The following LRRC4C variants were observed in gnomAD, a reference collection of about 807,000 sequenced individuals.
LRRC4C encodes the protein leucine-rich repeat-containing protein 4C.
LRRC4C carries 5 observed loss-of-function variants against 33.6 expected under a neutral mutation model. The ratio of observed to expected loss-of-function variants is 0.15; its 90% confidence interval spans 0.08 to 0.31. The LOEUF (loss-of-function observed/expected upper bound fraction) is 0.31. Among genes scored for constraint, LRRC4C ranks in the 10% least tolerant of loss-of-function variants. LRRC4C has a pLI of 1.00. For missense variants in LRRC4C, 560 were observed against 796.7 expected (o/e 0.70, Z 3.58); for synonymous variants, 329 against 302.0 (o/e 1.09, Z -0.93).
intron 4 of LRRC4C, among the ~76,000 whole-genome samples, chr11:40,304,122 G>A (rs1324865435): frequency 6.6e-6 from 1 of 152,128 alleles, no homozygotes; most frequent in African/African-American, 2.4e-5. Flanking sequence ...TATTTCAGAA[G>A]CTCCCTCCAT....
chr11:40,973,902 T>G (rs1482921311), intron 1 of LRRC4C, among the ~76,000 whole-genome samples: 1 of 152,022 alleles, frequency 6.6e-6, no homozygotes, highest in Non-Finnish European at 1.5e-5. Context: ...CATTTCAGGA[T>G]GAAGTAGGGA....
intron 2 of LRRC4C, among the ~76,000 whole-genome samples, chr11:40,671,589 G>A (rs1295094603): frequency 6.6e-6 from 1 of 151,212 alleles, no homozygotes; most frequent in Non-Finnish European, 1.5e-5. Context: ...CTCTCTGTCT[G>A]GAACTCTCTT....
chr11:41,029,479 C>G (rs1215151731), intron 1 of LRRC4C, among the ~76,000 whole-genome samples: 3 of 151,730 alleles, frequency 2.0e-5, no homozygotes, highest in Non-Finnish European at 4.4e-5. Flanking sequence ...TTAGTTTTAA[C>G]TTTCTGTGAT....
At chr11:40,739,424 CTG>C (rs749312154) in intron 2 of LRRC4C, among the ~76,000 whole-genome samples, 18 of 149,990 alleles carry the variant, frequency 1.2e-4, no homozygotes, top group African/African-American at 3.7e-4. Context: ...CTTCCATTCT[CTG>C]TGTGTGTGTG....
chr11:41,431,845 T>C (rs1955247753), intron 1 of LRRC4C, among the ~76,000 whole-genome samples: 1 of 152,164 alleles, frequency 6.6e-6, no homozygotes, highest in African/African-American at 2.4e-5. Context: ...GTATATGCGA[T>C]TTAGGGATAA....
chr11:40,338,653 T>C (rs374519466), intron 3 of LRRC4C, among the ~76,000 whole-genome samples: 7 of 152,212 alleles, frequency 4.6e-5, no homozygotes, highest in Admixed American at 4.6e-4. Context: ...TTGGTAATAT[T>C]CTCATGATGA....
chr11:40,542,227 C>T (rs1220750296), intron 3 of LRRC4C, among the ~76,000 whole-genome samples: 2 of 151,988 alleles, frequency 1.3e-5, no homozygotes, highest in Non-Finnish European at 2.9e-5. Context: ...TGAGAAAATG[C>T]TTTATTCTCT....
intron 2 of LRRC4C, among the ~76,000 whole-genome samples, chr11:40,923,682 G>A (rs1957287580): frequency 6.6e-6 from 1 of 152,106 alleles, no homozygotes; most frequent in Non-Finnish European, 1.5e-5. Flanking sequence ...TACTAAACTA[G>A]TTTATTTGGA....
At chr11:40,489,678 CT>C (rs1295675596) in intron 3 of LRRC4C, among the ~76,000 whole-genome samples, 1 of 152,092 alleles carries the variant, frequency 6.6e-6, no homozygotes, top group East Asian at 1.9e-4. Context: ...ATGGAACCCC[CT>C]TTATTGTTCA....
At chr11:41,323,165 A>G (rs955491785) in intron 1 of LRRC4C, among the ~76,000 whole-genome samples, 6 of 152,138 alleles carry the variant, frequency 3.9e-5, no homozygotes, top group Non-Finnish European at 8.8e-5. Context: ...ACATCCTATC[A>G]TTATATTTCT....
intron 1 of LRRC4C, among the ~76,000 whole-genome samples, chr11:41,005,693 T>C (rs1168707781): frequency 6.6e-6 from 1 of 152,116 alleles, no homozygotes; most frequent in Non-Finnish European, 1.5e-5. Context: ...CCTGCTGGCT[T>C]CCCTTTGCCT....
chr11:40,968,860 T>G (rs1851528100), intron 1 of LRRC4C, among the ~76,000 whole-genome samples: 1 of 152,202 alleles, frequency 6.6e-6, no homozygotes, highest in African/African-American at 2.4e-5. Context: ...CTGTTATTTT[T>G]TGTGTCTCCT....
rs113877575 is a variant in LRRC4C at position 40,535,347 on chromosome 11, G to T, written c.-270+112795C>A. On this transcript the variant is annotated intron_variant, in intron 3 of 6. Coordinates refer to ENST00000528697, the MANE Select transcript of LRRC4C (RefSeq NM_001258419.2). ...AAAAAAGTATATAAAAAACTGGAGT[G>T]AAATAGGTTAGAGAGACACATCAGC... Among the ~76,000 whole-genome samples the T allele has an allele frequency of 6.7e-3, 1,021 of 152,258 alleles. 17 individuals are homozygous for T. The highest frequency in any genetic ancestry group is 0.024 in the African/African-American group (980 of 41,562).
chr11:40,205,726 T>G lies in LRRC4C; in HGVS notation c.-96+35793A>C, dbSNP rs184807823. Among the ~76,000 whole-genome samples, 179 of 152,288 alleles carry G rather than the reference T, an allele frequency of 1.2e-3. 2 individuals are homozygous for G. Among genetic ancestry groups the G allele is most frequent in the African/African-American group, 4.2e-3 (175 of 41,564 alleles). ...CATGATTTTTAAAATTAAGGGGTAA[T>G]CAGTCAGTCAGGTAATCAGGTTATT... is the stretch of plus-strand genomic sequence containing the variant. On this transcript the variant is annotated intron_variant, in intron 5 of 6. Coordinates refer to ENST00000528697, the MANE Select transcript of LRRC4C (RefSeq NM_001258419.2).
chr11:40,593,670 C>T (rs1274386785), intron 3 of LRRC4C, among the ~76,000 whole-genome samples: 1 of 152,036 alleles, frequency 6.6e-6, no homozygotes, highest in Admixed American at 6.6e-5. Context: ...TTCCATCTGG[C>T]AAAGTAAGGG....
chr11:40,915,500 A>C (rs1279759883), intron 2 of LRRC4C, among the ~76,000 whole-genome samples: 1 of 152,224 alleles, frequency 6.6e-6, no homozygotes, highest in Admixed American at 6.5e-5. Flanking sequence ...CATATGTAGA[A>C]AGCTGAAACT....
chr11:40,372,029 T>C (rs1310815909), intron 3 of LRRC4C, among the ~76,000 whole-genome samples: 2 of 152,124 alleles, frequency 1.3e-5, no homozygotes, highest in Admixed American at 6.6e-5. Context: ...TTGTGGTTCA[T>C]GAGATGAAAT....
At chr11:41,452,263 T>C (rs1258402313) in intron 1 of LRRC4C, among the ~76,000 whole-genome samples, 1 of 152,112 alleles carries the variant, frequency 6.6e-6, no homozygotes, top group Non-Finnish European at 1.5e-5. Context: ...AGCATGAATG[T>C]ATAAATTGAA....
chr11:41,051,034 G>T (rs1199765578), intron 1 of LRRC4C, among the ~76,000 whole-genome samples: 2 of 152,020 alleles, frequency 1.3e-5, no homozygotes, highest in Non-Finnish European at 2.9e-5. Context: ...ACATTCTAGG[G>T]CTTCTATCAG....
Sources: gnomAD v4.1 joint callset for allele counts (sites outside exome capture counted in the v4.1 genomes callset) on GRCh38, gnomAD v4.1.1 for gene constraint, MANE v1.5 for transcripts, NCBI Gene and HGNC (gene_info 2026-07-23, HGNC 2026-07-21) for gene names.